RNF213: variants seen among roughly 807,000 people sequenced by gnomAD.
RNF213 encodes the protein E3 ubiquitin-protein ligase RNF213.
A neutral mutation model predicts 514.4 loss-of-function variants in RNF213; 341 were observed. The observed-to-expected ratio is 0.66, with a 90% CI of 0.61 to 0.73. The LOEUF (loss-of-function observed/expected upper bound fraction) is 0.73, where lower values mean the gene tolerates loss of function less well. Ranked by LOEUF, RNF213 falls within the 30% of genes least tolerant of loss-of-function variation. RNF213 has a pLI of 0.00. For missense variants in RNF213, 5,767 were observed against 6,615.6 expected, an observed-to-expected ratio of 0.87 and a Z score of 4.45; for synonymous variants, 2,655 against 2,658.2, an observed-to-expected ratio of 1.00 and a Z score of 0.04.
In RNF213 at chr17:80,288,913, A is replaced by G. The variant is rs138449130; in HGVS notation, c.933+158A>G. On this transcript the variant is annotated intron_variant, in intron 5 of 67. Transcript: ENST00000582970. This position sits in a 1 kb window ranked among gnomAD's most constrained non-coding sequence, Gnocchi z 4.9. Reference sequence around the variant, plus strand: ...GGGGTGCTCACATTCCAGCGGAGAGAGAGTCAGGAAACCGACTTCAGCGGT... The same window carrying G: ...GGGGTGCTCACATTCCAGCGGAGAGGGAGTCAGGAAACCGACTTCAGCGGT... 9.8e-4 allele frequency among the ~76,000 whole-genome samples: 150 copies of G among 152,310 alleles called. No individual in the cohort carries two copies. Among genetic ancestry groups the G allele is most frequent in the African/African-American group, 3.0e-3 (126 of 41,560 alleles).
chr17:80,322,019 C>T (rs560178504), intron 17 of RNF213, among the ~76,000 whole-genome samples: 107 of 152,154 alleles, frequency 7.0e-4, no homozygotes, highest in African/African-American at 2.3e-3. Context: ...CCACTGTGCC[C>T]GGCCTCATTG....
At chr17:80,392,617 T>TC (rs2080521099) in intron 67 of RNF213, among the ~76,000 whole-genome samples, 1 of 142,338 alleles carries the variant, frequency 7.0e-6, no homozygotes, top group African/African-American at 2.6e-5. Flanking sequence ...TTTTTTTTTT[T>TC]CTCGCTCTGT....
At chr17:80,376,587 C>T (rs200656035) in intron 52 of RNF213, 44 bp downstream of exon 52, 20 of 1,612,902 alleles carry the variant, frequency 1.2e-5, no homozygotes, top group Non-Finnish European at 1.7e-5. Context: ...TGGAACACCC[C>T]CCAGAGCTTG....
chr17:80,273,613 C>CTTTTT (rs56957242), intron 3 of RNF213, among the ~76,000 whole-genome samples: 6 of 97,586 alleles, frequency 6.1e-5, no homozygotes, highest in Non-Finnish European at 8.1e-5. Context: ...CCTCCACCGT[C>CTTTTT]TTTTTTTTTT....
In RNF213 at chr17:80,367,758, A is replaced by G. The variant is rs761341349; in HGVS notation, c.11882A>G (p.Glu3961Gly). 1.3e-5 allele frequency: 21 copies of G among 1,613,958 alleles called. No individual in the cohort carries two copies. Among genetic ancestry groups the G allele is most frequent in the Non-Finnish European group, 1.8e-5 (21 of 1,179,948 alleles). Residue 3961 changes from glutamate (E) to glycine (G), a missense_variant, in exon 43 of 68, where the codon GAG (glutamate) becomes GGG (glycine). Glu to Gly is a moderately conservative substitution (Grantham distance 98). Coordinates refer to ENST00000582970, the MANE Select transcript of RNF213 (RefSeq NM_001256071.3). Reference protein sequence around the residue: ...HVFLLDKCLRENSDVKTHGPF... With the variant: ...HVFLLDKCLRGNSDVKTHGPF... ...CCTGCCTTTCTTCAGTGTCTTCGAGAGAACTCTGACGTGAAGACGCACGGG... is the reference window on the plus strand; with the variant it reads ...CCTGCCTTTCTTCAGTGTCTTCGAGGGAACTCTGACGTGAAGACGCACGGG...
chr17:80,288,110 C>T lies in RNF213; in HGVS notation c.557C>T (p.Thr186Ile), dbSNP rs780186516. ...AQALGEAGVA[T>I]GSEAQSSPQF... is the part of the protein sequence containing the mutation. ...GCTTTGGGAGAGGCAGGAGTGGCCA[C>T]AGGAAGTGAGGCTCAGAGCAGCCCG... The change falls in exon 4 of 68, where the codon ACA (threonine) becomes ATA (isoleucine). Residue 186 changes from threonine (T) to isoleucine (I), a missense_variant. Around this residue, in one of 13 missense-constraint regions of RNF213, gnomAD observed 509 missense variants for 496.7 expected, o/e 1.02. Coordinates refer to ENST00000582970, the MANE Select transcript of RNF213 (RefSeq NM_001256071.3). The surrounding 1 kb of genome is among the most constrained non-coding windows in gnomAD (Gnocchi z 4.9). 5 of 1,607,874 alleles carry T rather than the reference C, an allele frequency of 3.1e-6. No individual in the cohort carries two copies. Among genetic ancestry groups the T allele is most frequent in the Admixed American group, 1.7e-5 (1 of 59,738 alleles).
In RNF213 at chr17:80,397,374, C is replaced by T. The variant is rs1160077336; in HGVS notation, c.*3876C>T. 1.3e-5 allele frequency: 2 copies of T among 151,358 alleles called. No homozygotes were observed. Among genetic ancestry groups the T allele is most frequent in the African/African-American group, 2.4e-5 (1 of 41,116 alleles). 9.4% of individuals were successfully genotyped at this position (151,358 alleles called of 1,614,324 possible). On this transcript the variant is annotated 3_prime_UTR_variant, in exon 68 of 68. Coordinates refer to ENST00000582970, the MANE Select transcript of RNF213 (RefSeq NM_001256071.3). Reference sequence around the variant, plus strand: ...ATATTGTCTTACGCCCAATTTCTGCCTCCAAAGAGAGAAGTAAAAACTAAA... The same window carrying T: ...ATATTGTCTTACGCCCAATTTCTGCTTCCAAAGAGAGAAGTAAAAACTAAA...
chr17:80,308,410 CCCTCCTGAGTCCCTCCCAAGGCT>C (rs1478695600), intron 13 of RNF213, among the ~76,000 whole-genome samples: 28 of 152,010 alleles, frequency 1.8e-4, no homozygotes, highest in African/African-American at 6.0e-4. Context: ...CTCCTGAGTC[CCCTCCTGAGTCCCTCCCAAGGCT>C]CCTCCTGAGT....
At position 80,317,723 on chromosome 17, in the gene RNF213, G is replaced by T. The variant is rs1450972449; in HGVS notation, c.2901+446G>T. Among the ~76,000 whole-genome samples, 7 of 152,206 alleles carry T rather than the reference G, an allele frequency of 4.6e-5. No homozygotes were observed. The highest frequency in any genetic ancestry group is 7.3e-5 in the Non-Finnish European group (5 of 68,040). On this transcript the variant is annotated intron_variant, in intron 16 of 67. Coordinates refer to ENST00000582970, the MANE Select transcript of RNF213 (RefSeq NM_001256071.3). The surrounding 1 kb of genome is among the most constrained non-coding windows in gnomAD (Gnocchi z 4.1). ...CCTGCAACCCCCGAAGCTCCAGAGGGCATGTTACAGTGCTCTCTTAGCTCC... is the reference window on the plus strand; with the variant it reads ...CCTGCAACCCCCGAAGCTCCAGAGGTCATGTTACAGTGCTCTCTTAGCTCC...
rs770562324 is a variant in RNF213 at position 80,358,491 on chromosome 17, G to T, written c.11054+12G>T. 5.6e-6 allele frequency: 9 copies of T among 1,610,208 alleles called. No homozygotes were observed. The Admixed American group carries it at 1.2e-4, about 21-fold the overall frequency. On this transcript the variant is annotated intron_variant, in intron 37 of 67. Coordinates refer to ENST00000582970, the MANE Select transcript of RNF213 (RefSeq NM_001256071.3). ...ATGAATAATGAAAGGTGAGTGGAAG[G>T]CTTTCTTTCCCTGGGGAGAGAAACT...
In RNF213 at chr17:80,344,690, C is replaced by G; in HGVS notation, c.6355C>G (p.Pro2119Ala). Residue 2119 changes from proline (P) to alanine (A), a missense_variant, in exon 29 of 68, where the codon CCC becomes GCC. Pro to Ala is a conservative substitution (Grantham distance 27). This residue lies in a region of RNF213 where 1,377 missense variants were observed against 1,635.2 expected (regional missense o/e 0.84). Transcript: ENST00000582970. ...RSSSALRTRV[P>A]QFSFLDIFPK... is the part of the protein sequence containing the mutation. ...CTCTCCTTTCCAGCGTACACGTGTACCCCAGTTCAGTTTTCTTGACATCTT... is the reference window on the plus strand; with the variant it reads ...CTCTCCTTTCCAGCGTACACGTGTAGCCCAGTTCAGTTTTCTTGACATCTT... 1 of 1,614,102 alleles carries G rather than the reference C, an allele frequency of 6.2e-7. No homozygotes were observed. Among genetic ancestry groups the G allele is most frequent in the South Asian group, 1.1e-5 (1 of 91,078 alleles).
intron 38 of RNF213, 92 bp from the exon 39 acceptor site, chr17:80,361,641 TC>T (rs2079058311): frequency 7.0e-7 from 1 of 1,423,494 alleles, no homozygotes; most frequent in African/African-American, 1.4e-5. Context: ...CAACAAGGCG[TC>T]CCCATTCCCC....
In RNF213 at chr17:80,375,769, AC is replaced by A; in HGVS notation, c.13090del (p.Gln4364LysfsTer10). On this transcript the variant is annotated frameshift_variant, in exon 51 of 68. Coordinates refer to ENST00000582970, the MANE Select transcript of RNF213 (RefSeq NM_001256071.3). LOFTEE classifies it high-confidence loss of function. ...ACCCTTGATTTTGCAGGCCTGCAAGACCCCCCAAAGCCAGCAGTCAGCCTAC... is the reference window on the plus strand; with the variant it reads ...ACCCTTGATTTTGCAGGCCTGCAAGACCCCCAAAGCCAGCAGTCAGCCTAC... ...GIKTALKACK[T>X]PQSQQSAYFL... 1 of 1,612,788 alleles carries A rather than the reference AC, an allele frequency of 6.2e-7. No individual in the cohort carries two copies. The highest frequency in any genetic ancestry group is 8.5e-7 in the Non-Finnish European group (1 of 1,179,254).
chr17:80,359,113 C>T (rs190130163), intron 37 of RNF213, among the ~76,000 whole-genome samples: 4 of 152,096 alleles, frequency 2.6e-5, no homozygotes, highest in East Asian at 1.9e-4. Flanking sequence ...CCTGGTGGAG[C>T]GGCACAGCCC....
chr17:80,331,814 A>G (rs191079940), intron 20 of RNF213, among the ~76,000 whole-genome samples, 192 bp from the exon 21 acceptor site: 2 of 152,326 alleles, frequency 1.3e-5, no homozygotes, highest in Admixed American at 6.5e-5. Flanking sequence ...TGCTTTCTTT[A>G]TCATGAATAT....
At chr17:80,358,719 G>A (rs1210835262) in intron 37 of RNF213, among the ~76,000 whole-genome samples, 1 of 152,128 alleles carries the variant, frequency 6.6e-6, no homozygotes, top group Non-Finnish European at 1.5e-5. Context: ...GACCGTCCTG[G>A]CCAACGTGGT....
chr17:80,321,583 C>A (rs2046137304), intron 17 of RNF213: 2 of 152,168 alleles, frequency 1.3e-5, no homozygotes, highest in African/African-American at 2.4e-5. Context: ...AACTGTCCGG[C>A]CGAGTCCCAC....
intron 3 of RNF213, among the ~76,000 whole-genome samples, chr17:80,275,431 G>A (rs970708493): frequency 6.6e-6 from 1 of 151,934 alleles, no homozygotes; most frequent in Non-Finnish European, 1.5e-5. Context: ...CAATAAACCC[G>A]CCCAAAGACA....
chr17:80,341,786 T>C (rs2078161664), intron 26 of RNF213: 1 of 152,196 alleles, frequency 6.6e-6, no homozygotes. Context: ...AATACCATAT[T>C]TTTTACTGTA....
Sources: gnomAD v4.1 joint callset for allele counts (sites outside exome capture counted in the v4.1 genomes callset) on GRCh38, gnomAD v4.1.1 for gene constraint, gnomAD v4.1.1 regional missense constraint, Gnocchi (gnomAD v3.1) non-coding constraint, MANE v1.5 for transcripts, NCBI Gene and HGNC (gene_info 2026-07-23, HGNC 2026-07-21) for gene names.